The following ARHGAP32 variants were observed in gnomAD, a reference collection of about 807,000 sequenced individuals.
The protein encoded by ARHGAP32 is rho GTPase-activating protein 32.
In ARHGAP32, 51 loss-of-function variants were observed where a neutral mutation model predicts 186.5. The observed-to-expected ratio is 0.27, with a 90% CI of 0.22 to 0.35. ARHGAP32 has a LOEUF of 0.35. ARHGAP32 is among the 10% of genes least tolerant of loss of function. ARHGAP32 has a pLI of 1.00. For synonymous variants in ARHGAP32, 950 were observed against 964.3 expected (o/e 0.99, Z 0.27); for missense variants, 2,186 against 2,623.5 (o/e 0.83, Z 3.64).
chr11:129,251,825 T>C (rs1055977327), intron 1 of ARHGAP32, among the ~76,000 whole-genome samples: 4 of 149,994 alleles, frequency 2.7e-5, no homozygotes, highest in African/African-American at 9.8e-5. Flanking sequence ...TCCCAGCTAC[T>C]CGGGGAGGCT....
rs188157352 is a variant in ARHGAP32 at position 128,966,635 on chromosome 11, T to C, written c.*2272A>G. ...GGAATTAACCCTACTATTTATAAAA[T>C]AGGTTTTAGTTTCAGGACTAAACAA... On this transcript the variant is annotated 3_prime_UTR_variant, in exon 23 of 23. Transcript: ENST00000682385. 1 of 152,346 alleles carries C rather than the reference T, an allele frequency of 6.6e-6. No homozygotes were observed. The highest frequency in any genetic ancestry group is 1.5e-5 in the Non-Finnish European group (1 of 68,036). The allele number at this position is 152,346 out of a possible 1,614,324, so 9.4% of individuals were successfully genotyped here.
At chr11:129,151,536 A>G (rs370415812) in intron 2 of ARHGAP32, among the ~76,000 whole-genome samples, 5 of 152,258 alleles carry the variant, frequency 3.3e-5, no homozygotes, top group African/African-American at 7.2e-5. Flanking sequence ...GACCACAGTA[A>G]AACAAAGCTG....
upstream of ARHGAP32, among the ~76,000 whole-genome samples, chr11:129,194,640 G>C (rs933370705): frequency 6.6e-6 from 1 of 151,956 alleles, no homozygotes; most frequent in Non-Finnish European, 1.5e-5. Flanking sequence ...CAGACAGCTG[G>C]AGAAGAGGAA....
upstream of ARHGAP32, among the ~76,000 whole-genome samples, chr11:129,193,689 T>TTATATTA (rs1555111368): frequency 0.022 from 531 of 24,402 alleles, 4 homozygotes; most frequent in Admixed American, 0.042. Context: ...ATAATATATA[T>TTATATTA]TATATAATAT....
At chr11:129,269,783 C>T (rs1042655555) in intron 1 of ARHGAP32, among the ~76,000 whole-genome samples, 1 of 152,052 alleles carries the variant, frequency 6.6e-6, no homozygotes, top group Admixed American at 6.6e-5. Context: ...TAAGACAGAA[C>T]GTGCTTTTAT....
chr11:128,974,006 C>A, intron 21 of ARHGAP32, 118 bp downstream of exon 21: 1 of 1,263,170 alleles, frequency 7.9e-7, no homozygotes. Flanking sequence ...CCCAGAAAAG[C>A]ATTCTCTTTG....
intron 1 of ARHGAP32, among the ~76,000 whole-genome samples, chr11:129,259,800 A>G (rs1002887721): frequency 3.9e-5 from 6 of 152,198 alleles, no homozygotes; most frequent in Non-Finnish European, 7.3e-5. Context: ...ATGAATATCT[A>G]ATTAGATTTT....
At chr11:128,998,504 G>T in intron 11 of ARHGAP32, 36 bp from the exon 12 acceptor site, 8 of 1,471,534 alleles carry the variant, frequency 5.4e-6, no homozygotes, top group Non-Finnish European at 6.4e-6. Flanking sequence ...CTTAGTTGTG[G>T]CAAGAGGTTA....
chr11:129,048,469 T>G (rs187590132), intron 10 of ARHGAP32, among the ~76,000 whole-genome samples: 9 of 148,298 alleles, frequency 6.1e-5, no homozygotes, highest in Non-Finnish European at 1.1e-4. Context: ...TAAGGAGTAG[T>G]AAAGTATCTA....
intron 2 of ARHGAP32, among the ~76,000 whole-genome samples, chr11:129,141,534 A>G (rs1439354063): frequency 6.6e-6 from 1 of 152,050 alleles, no homozygotes; most frequent in Non-Finnish European, 1.5e-5. Flanking sequence ...TGACGAGTTA[A>G]TGGGTCCAGC....
chr11:129,037,330 C>CA (rs1939386869), intron 11 of ARHGAP32, among the ~76,000 whole-genome samples: 1 of 151,826 alleles, frequency 6.6e-6, no homozygotes, highest in Admixed American at 6.6e-5. Flanking sequence ...GACATTGCTA[C>CA]AAAAAACTAA....
At chr11:129,039,171 T>C (rs1001372393) in intron 11 of ARHGAP32, among the ~76,000 whole-genome samples, 2 of 152,190 alleles carry the variant, frequency 1.3e-5, no homozygotes, top group African/African-American at 4.8e-5. Context: ...GTTACACCAA[T>C]GGTGCAGCTG....
chr11:128,992,583 C>T (rs1261031151), intron 12 of ARHGAP32, among the ~76,000 whole-genome samples: 1 of 151,890 alleles, frequency 6.6e-6, no homozygotes, highest in African/African-American at 2.4e-5. Context: ...TCAAGACCAG[C>T]CTGGCCAATA....
At position 128,967,353 on chromosome 11, in the gene ARHGAP32, T is replaced by C. The variant is rs765222651; in HGVS notation, c.*1554A>G. On this transcript the variant is annotated 3_prime_UTR_variant, in exon 23 of 23. Coordinates refer to ENST00000682385, the MANE Select transcript of ARHGAP32 (RefSeq NM_001378024.1). ...AGCCAGAGCAGCAACCATCCAGTAATTGGAATGCAATTCTCCTAGTGTCTT... is the reference window on the plus strand; with the variant it reads ...AGCCAGAGCAGCAACCATCCAGTAACTGGAATGCAATTCTCCTAGTGTCTT... 8 of 152,230 alleles carry C rather than the reference T, an allele frequency of 5.3e-5. No homozygotes were observed. Among genetic ancestry groups the C allele is most frequent in the Non-Finnish European group, 1.0e-4 (7 of 68,040 alleles). The allele number at this position is 152,230 out of a possible 1,614,324, so 9.4% of individuals were successfully genotyped here. A position where few individuals can be genotyped will look rare whatever the true frequency, so the allele number is the denominator to read the frequency against.
At chr11:129,135,738 G>A (rs1343867932) in intron 2 of ARHGAP32, among the ~76,000 whole-genome samples, 1 of 151,894 alleles carries the variant, frequency 6.6e-6, no homozygotes, top group Non-Finnish European at 1.5e-5. Context: ...CTGCACTCCA[G>A]CCTGGGCAAC....
intron 2 of ARHGAP32, among the ~76,000 whole-genome samples, chr11:129,128,990 C>T (rs1412167305): frequency 2.0e-5 from 3 of 152,342 alleles, no homozygotes; most frequent in South Asian, 2.1e-4. Flanking sequence ...ACTGCAGCCT[C>T]TGCCTGGCCG....
chr11:129,212,068 T>C (rs1457760716), intron 1 of ARHGAP32, among the ~76,000 whole-genome samples: 6 of 152,066 alleles, frequency 3.9e-5, no homozygotes, highest in Non-Finnish European at 8.8e-5. Flanking sequence ...GGTGGAAGGA[T>C]TGCTTGTGCC....
chr11:129,043,550 C>T (rs1408131865), intron 10 of ARHGAP32, among the ~76,000 whole-genome samples: 1 of 151,790 alleles, frequency 6.6e-6, no homozygotes, highest in Non-Finnish European at 1.5e-5. Flanking sequence ...CCATGCCCGG[C>T]TAATTTTTTG....
At chr11:129,196,797 C>T (rs1193984879), upstream of ARHGAP32, among the ~76,000 whole-genome samples, 1 of 152,116 alleles carries the variant, frequency 6.6e-6, no homozygotes, top group South Asian at 2.1e-4. Context: ...GTAGCTGATG[C>T]CTGTAATCCT....
Sources: allele counts gnomAD v4.1 joint callset (sites outside exome capture counted in the v4.1 genomes callset), GRCh38; gene constraint gnomAD v4.1.1; transcripts MANE v1.5; gene names NCBI Gene and HGNC (gene_info 2026-07-23, HGNC 2026-07-21).